The following SLCO5A1 variants were observed in gnomAD, a reference collection of about 807,000 sequenced individuals.
SLCO5A1 encodes the protein organic anion transporter polypeptide-related protein 4.
SLCO5A1 carries 39 observed loss-of-function variants against 65.1 expected under a neutral mutation model. The observed-to-expected ratio is 0.60, with a 90% CI of 0.46 to 0.78. The LOEUF (loss-of-function observed/expected upper bound fraction) is 0.78, where lower values mean the gene tolerates loss of function less well. SLCO5A1 is among the 30% of genes least tolerant of loss of function. SLCO5A1 has a pLI of 0.00. For missense variants in SLCO5A1, 1,029 were observed against 1,069.4 expected (o/e 0.96, Z 0.53); for synonymous variants, 438 against 415.7 (o/e 1.05, Z -0.65).
intron 2 of SLCO5A1, among the ~76,000 whole-genome samples, chr8:69,811,798 G>C (rs569593359): frequency 7.9e-4 from 121 of 152,314 alleles, no homozygotes; most frequent in African/African-American, 2.7e-3. Context: ...GTGCATCCTG[G>C]GCATTGGCCC....
chr8:69,761,796 A>T lies in SLCO5A1; in HGVS notation c.987T>A (p.Asp329Glu), dbSNP rs150180293. 3.1e-6 allele frequency: 5 copies of T among 1,613,908 alleles called. No individual in the cohort carries two copies. Among genetic ancestry groups the T allele is most frequent in the African/African-American group, 2.7e-5 (2 of 74,920 alleles). ...LGGLLIGFYV[D>E]PRNPVHLDQN... The stretch of plus-strand genomic sequence containing the variant: ...GGTCAAGGTGAACAGGATTTCTGGG[A>T]TCAACATAAAAACCAATAAGAAGTC... The change falls in exon 3 of 10, where the codon GAT (aspartate) becomes GAA (glutamate). Residue 329 changes from aspartate (D) to glutamate (E), a missense_variant. Transcript: ENST00000260126.
intron 2 of SLCO5A1, chr8:69,772,961 T>C: frequency 2.0e-6 from 2 of 985,276 alleles, no homozygotes; most frequent in Non-Finnish European, 2.4e-6. Context: ...CAAGCACCAA[T>C]TATATGCTGT....
intron 5 of SLCO5A1, among the ~76,000 whole-genome samples, chr8:69,716,017 C>T (rs1359744682): frequency 6.6e-6 from 1 of 152,040 alleles, no homozygotes. Flanking sequence ...GAGACAATCA[C>T]CACCTAATTT....
At chr8:69,833,464 AC>A (rs1821272310) in intron 1 of SLCO5A1, 1 of 152,234 alleles carries the variant, frequency 6.6e-6, no homozygotes, top group Non-Finnish European at 1.5e-5. Flanking sequence ...ATAATTATCA[AC>A]CTGGCAGCTC....
chr8:69,722,104 G>A (rs895887767), intron 5 of SLCO5A1, among the ~76,000 whole-genome samples: 11 of 151,210 alleles, frequency 7.3e-5, no homozygotes, highest in South Asian at 4.2e-4. Flanking sequence ...ACCAGGAGGC[G>A]GAGGTTGCAG....
intron 2 of SLCO5A1, among the ~76,000 whole-genome samples, chr8:69,772,654 GA>G (rs1453834922): frequency 6.6e-6 from 1 of 150,464 alleles, no homozygotes; most frequent in African/African-American, 2.5e-5. Context: ...GAAAGGAAAG[GA>G]AAAGAAATGA....
At chr8:69,711,632 G>A (rs750645926) in intron 5 of SLCO5A1, among the ~76,000 whole-genome samples, 5 of 152,162 alleles carry the variant, frequency 3.3e-5, no homozygotes, top group Non-Finnish European at 5.9e-5. Flanking sequence ...TAAGAGTCTG[G>A]GCTATGTAGC....
At chr8:69,789,925 G>C (rs1332097424) in intron 2 of SLCO5A1, among the ~76,000 whole-genome samples, 1 of 152,136 alleles carries the variant, frequency 6.6e-6, no homozygotes, top group Non-Finnish European at 1.5e-5. Context: ...GGGCACGGTG[G>C]CTCAAGCCTG....
chr8:69,790,850 C>T (rs958288820), intron 2 of SLCO5A1, among the ~76,000 whole-genome samples: 41 of 152,128 alleles, frequency 2.7e-4, no homozygotes, highest in African/African-American at 9.7e-4. Context: ...GCATCATAAA[C>T]ACAACTGCTG....
chr8:69,734,499 A>G (rs1816472096), intron 5 of SLCO5A1, among the ~76,000 whole-genome samples: 1 of 152,176 alleles, frequency 6.6e-6, no homozygotes, highest in Non-Finnish European at 1.5e-5. Context: ...TTTCTAATGT[A>G]TTTCATAAGT....
intron 1 of SLCO5A1, 105 bp downstream of exon 1, chr8:69,834,735 TACACACACACACAC>T (rs57972006): frequency 0.015 from 2,035 of 139,216 alleles, 13 homozygotes; most frequent in Middle Eastern, 0.025. Context: ...ACGCACATCC[TACACACACACACAC>T]ACACACACAC....
In SLCO5A1 at chr8:69,768,666, GGT is replaced by G. The variant is rs920757007; in HGVS notation, c.908-6793_908-6792del. ...TACACGAGCAGGAAGAGAGCGTTCC[GGT>G]GTCTCTTCCTCTTCTTATAAGGACC... On this transcript the variant is annotated intron_variant, in intron 2 of 9. Transcript: ENST00000260126. 3.9e-5 allele frequency among the ~76,000 whole-genome samples: 6 copies of G among 152,130 alleles called. No homozygotes were observed. In the East Asian group the frequency reaches 1.2e-3, roughly 29 times the overall value.
chr8:69,674,894 G>A (rs1409724070), intron 9 of SLCO5A1, among the ~76,000 whole-genome samples: 3 of 148,422 alleles, frequency 2.0e-5, no homozygotes, highest in African/African-American at 7.4e-5. Flanking sequence ...GCAAAAATTA[G>A]CCAGGCATGG....
intron 2 of SLCO5A1, among the ~76,000 whole-genome samples, chr8:69,807,474 G>A (rs1820043760): frequency 6.6e-6 from 1 of 152,188 alleles, no homozygotes; most frequent in South Asian, 2.1e-4. Context: ...TCGAAGTTTT[G>A]TATCCGTTAA....
intron 6 of SLCO5A1, among the ~76,000 whole-genome samples, chr8:69,696,272 G>C (rs1405505779): frequency 3.9e-5 from 6 of 152,222 alleles, no homozygotes; most frequent in African/African-American, 1.4e-4. Flanking sequence ...TAAAAGGAAA[G>C]CATGACACCA....
At chr8:69,691,978 G>T (rs186192744) in intron 6 of SLCO5A1, among the ~76,000 whole-genome samples, 43 of 152,356 alleles carry the variant, frequency 2.8e-4, no homozygotes, top group Middle Eastern at 3.4e-3. Flanking sequence ...GCCGGACGCG[G>T]TGGCTCACGC....
chr8:69,801,266 G>C (rs542427025), intron 2 of SLCO5A1, among the ~76,000 whole-genome samples: 1 of 152,306 alleles, frequency 6.6e-6, no homozygotes, highest in African/African-American at 2.4e-5. Flanking sequence ...TCTTAAATTA[G>C]TAGAGCTGTA....
chr8:69,810,882 C>A (rs886410126), intron 2 of SLCO5A1, among the ~76,000 whole-genome samples: 21 of 152,182 alleles, frequency 1.4e-4, no homozygotes, highest in Admixed American at 1.4e-3. Flanking sequence ...ATGTCTTCTG[C>A]TGGTTTTTTG....
chr8:69,789,511 T>C (rs1819178176), intron 2 of SLCO5A1, among the ~76,000 whole-genome samples: 1 of 152,156 alleles, frequency 6.6e-6, no homozygotes, highest in African/African-American at 2.4e-5. Flanking sequence ...GAAACAGTGG[T>C]TACCACCTGT....
Sources: gnomAD v4.1 joint callset for allele counts (sites outside exome capture counted in the v4.1 genomes callset) on GRCh38, gnomAD v4.1.1 for gene constraint, MANE v1.5 for transcripts, NCBI Gene and HGNC (gene_info 2026-07-23, HGNC 2026-07-21) for gene names.